PPP2R2C: variants seen among roughly 807,000 people sequenced by gnomAD.
The protein encoded by PPP2R2C is protein phosphatase 2, regulatory subunit B, gamma.
Under a neutral mutation model 45.3 loss-of-function variants are expected in PPP2R2C, and 10 were observed. The ratio of observed to expected loss-of-function variants is 0.22; its 90% CI spans 0.14 to 0.37. PPP2R2C has a LOEUF of 0.37. Among genes scored for constraint, PPP2R2C ranks in the 10% least tolerant of loss-of-function variants. PPP2R2C has a pLI of 1.00. For synonymous variants in PPP2R2C, 257 were observed against 245.4 expected, an observed-to-expected ratio of 1.05 and a Z score of -0.44; for missense variants, 308 against 619.7, an observed-to-expected ratio of 0.50 and a Z score of 5.34.
intron 1 of PPP2R2C, among the ~76,000 whole-genome samples, chr4:6,390,554 G>T (rs533985763): frequency 4.0e-4 from 61 of 152,352 alleles, no homozygotes; most frequent in Admixed American, 1.1e-3. Flanking sequence ...GGCGGCGGGC[G>T]CATGGGAGGG....
intron 1 of PPP2R2C, among the ~76,000 whole-genome samples, chr4:6,431,832 C>G (rs897626046): frequency 5.9e-5 from 9 of 152,138 alleles, no homozygotes; most frequent in African/African-American, 2.2e-4. Flanking sequence ...GCTGCTCCCA[C>G]AGAATACTAC....
At chr4:6,397,236 C>T (rs368809231) in intron 1 of PPP2R2C, among the ~76,000 whole-genome samples, 4 of 152,238 alleles carry the variant, frequency 2.6e-5, no homozygotes, top group African/African-American at 2.4e-5. Flanking sequence ...CATGCCATCC[C>T]GCACAGCAGA....
intron 1 of PPP2R2C, among the ~76,000 whole-genome samples, chr4:6,388,346 T>G (rs1470508482): frequency 6.6e-6 from 1 of 152,152 alleles, no homozygotes; most frequent in African/African-American, 2.4e-5. Flanking sequence ...GAGCCAGAGA[T>G]GGGCAAAGAT....
chr4:6,534,035 A>G (rs1185562671), intron 2 of PPP2R2C, among the ~76,000 whole-genome samples: 1 of 149,480 alleles, frequency 6.7e-6, no homozygotes, highest in African/African-American at 2.5e-5. Flanking sequence ...CACACATGTC[A>G]ACAAGCACAC....
rs967036432 is a variant in PPP2R2C at position 6,334,859 on chromosome 4, G to C, written c.791-1128C>G. Among the ~76,000 whole-genome samples, 5 of 152,130 alleles carry C rather than the reference G, an allele frequency of 3.3e-5. No homozygotes were observed. In the South Asian group the frequency reaches 1.0e-3, roughly 31 times the overall value. ...CTGATCACAGCACCCTGAGGCTCCC[G>C]AGAGGCCCCTCCCTGCTGGCCCCTC... On this transcript the variant is annotated intron_variant, in intron 6 of 8. Coordinates refer to ENST00000382599, the MANE Select transcript of PPP2R2C (RefSeq NM_020416.4).
At chr4:6,397,338 G>C (rs1046922942) in intron 1 of PPP2R2C, among the ~76,000 whole-genome samples, 1 of 152,230 alleles carries the variant, frequency 6.6e-6, no homozygotes, top group African/African-American at 2.4e-5. Context: ...CCAGGCCAGG[G>C]GGAGGCCTCA....
intron 1 of PPP2R2C, among the ~76,000 whole-genome samples, chr4:6,446,371 T>A (rs1348376373): frequency 2.0e-5 from 3 of 152,126 alleles, no homozygotes; most frequent in African/African-American, 7.2e-5. Context: ...TCGAGGCTCA[T>A]TTTAACTCCT....
At chr4:6,409,137 C>T (rs73073378) in intron 1 of PPP2R2C, among the ~76,000 whole-genome samples, 122 of 152,126 alleles carry the variant, frequency 8.0e-4, no homozygotes, top group South Asian at 4.4e-3. Context: ...CCCATTGGGT[C>T]CATTTTATTA....
chr4:6,350,857 T>G, intron 5 of PPP2R2C: 2 of 985,406 alleles, frequency 2.0e-6, no homozygotes, highest in Non-Finnish European at 2.4e-6. Flanking sequence ...ACGGCCACAC[T>G]TGCAGCGTGA....
At chr4:6,523,742 C>T (rs767176289) in intron 2 of PPP2R2C, among the ~76,000 whole-genome samples, 4 of 152,216 alleles carry the variant, frequency 2.6e-5, no homozygotes, top group Non-Finnish European at 4.4e-5. Flanking sequence ...TGAAAACACA[C>T]ATCCACATGA....
chr4:6,360,000 G>T (rs1372460872), intron 5 of PPP2R2C, among the ~76,000 whole-genome samples: 1 of 152,180 alleles, frequency 6.6e-6, no homozygotes, highest in Non-Finnish European at 1.5e-5. Flanking sequence ...CTCATGATGG[G>T]CCCCAGTGGA....
chr4:6,510,941 C>CA (rs1359300525), intron 2 of PPP2R2C, among the ~76,000 whole-genome samples: 3 of 145,830 alleles, frequency 2.1e-5, no homozygotes, highest in Admixed American at 7.2e-5. Context: ...CACACCACTG[C>CA]ACTCCAGCCT....
At chr4:6,504,094 G>T (rs1031398153) in intron 2 of PPP2R2C, among the ~76,000 whole-genome samples, 12 of 152,192 alleles carry the variant, frequency 7.9e-5, no homozygotes, top group Non-Finnish European at 1.8e-4. Flanking sequence ...CATCTTAGTG[G>T]CCTTAAGAAG....
At chr4:6,455,121 T>A (rs907698491) in intron 1 of PPP2R2C, among the ~76,000 whole-genome samples, 2 of 152,182 alleles carry the variant, frequency 1.3e-5, no homozygotes, top group African/African-American at 4.8e-5. Context: ...CTTGCTGTAA[T>A]CTACAGATGA....
intron 1 of PPP2R2C, among the ~76,000 whole-genome samples, chr4:6,460,119 C>T (rs1031238194): frequency 6.6e-6 from 1 of 152,162 alleles, no homozygotes; most frequent in African/African-American, 2.4e-5. Flanking sequence ...CTGATATTAC[C>T]AATGATGACG....
At position 6,413,896 on chromosome 4, in the gene PPP2R2C, T is replaced by A. The variant is rs112819175; in HGVS notation, c.71-32802A>T. On this transcript the variant is annotated intron_variant, in intron 1 of 8. Coordinates refer to ENST00000382599, the MANE Select transcript of PPP2R2C (RefSeq NM_020416.4). ...AACTCTCATGATGCCCCACAGCCCC[T>A]GCTCACCCGTGTCTCTCTTTCCCAT... The A allele has an allele frequency of 2.6e-3, 3,999 of 1,536,040 alleles. 25 individuals are homozygous for A. Among genetic ancestry groups the A allele is most frequent in the African/African-American group, 0.025 (1,792 of 73,132 alleles).
At chr4:6,411,629 T>G (rs2109369825) in intron 1 of PPP2R2C, among the ~76,000 whole-genome samples, 1 of 151,354 alleles carries the variant, frequency 6.6e-6, no homozygotes, top group Non-Finnish European at 1.5e-5. Flanking sequence ...CTCAGCTCAC[T>G]GCAAGCTCCG....
rs551715042 is a variant in PPP2R2C, at chr4:6,462,871, T to C, written c.70+9289A>G. On this transcript the variant is annotated intron_variant, in intron 1 of 8. Transcript: ENST00000382599. The stretch of plus-strand genomic sequence containing the variant: ...GGAAGTACAGCAAGATCTTGATAGA[T>C]TGGAAGCAGTTCAATAGACTATTTT... Among the ~76,000 whole-genome samples, 24 of 152,242 alleles carry C rather than the reference T, an allele frequency of 1.6e-4. No homozygotes were observed. In the East Asian group the frequency reaches 3.7e-3, roughly 23 times the overall value.
Position 6,545,100 on chromosome 4 carries a change from C to T in PPP2R2C, c.-58-9723G>A, listed in dbSNP as rs111271044. Among the ~76,000 whole-genome samples the T allele has an allele frequency of 7.5e-3, 1,147 of 152,274 alleles. 20 individuals carry two copies. Among genetic ancestry groups the T allele is most frequent in the African/African-American group, 0.026 (1,099 of 41,542 alleles). The stretch of plus-strand genomic sequence containing the variant: ...ACAGCCTGGGGCTCTCCCGGGCTCA[C>T]CCTCACCATACCAGCACCAGGAGAT... On this transcript the variant is annotated intron_variant, in intron 1 of 9. Coordinates refer to the PPP2R2C transcript ENST00000506140.
Sources: gnomAD v4.1 joint callset for allele counts (sites outside exome capture counted in the v4.1 genomes callset) on GRCh38, gnomAD v4.1.1 for gene constraint, MANE v1.5 for transcripts, NCBI Gene and HGNC (gene_info 2026-07-23, HGNC 2026-07-21) for gene names.